Variants in TIPIN observed in about 807,000 individuals in gnomAD.
TIPIN encodes TIMELESS-interacting protein.
Under a neutral mutation model 35.6 loss-of-function variants are expected in TIPIN, and 29 were observed. The ratio of observed to expected loss-of-function variants is 0.82; its 90% CI spans 0.61 to 1.11. The LOEUF is 1.11. Ranked by LOEUF, TIPIN falls within the 50% of genes most tolerant of loss-of-function variation. The pLI, the probability that TIPIN is intolerant of heterozygous loss-of-function variation, is 0.00. For missense variants in TIPIN, 296 were observed against 345.4 expected, an observed-to-expected ratio of 0.86 and a Z score of 1.13; for synonymous variants, 102 against 121.5, an observed-to-expected ratio of 0.84 and a Z score of 1.06.
intron 1 of TIPIN, among the ~76,000 whole-genome samples, chr15:66,367,309 T>C (rs2093260144): frequency 6.6e-6 from 1 of 151,908 alleles, no homozygotes; most frequent in Non-Finnish European, 1.5e-5. Flanking sequence ...GAAAATAAAT[T>C]AGTACATCTA....
At chr15:66,347,503 A>G (rs1164400306) in intron 6 of TIPIN, among the ~76,000 whole-genome samples, 2 of 152,200 alleles carry the variant, frequency 1.3e-5, no homozygotes, top group African/African-American at 2.4e-5. Context: ...AACAAGTGCT[A>G]TATAGGATCA....
intron 4 of TIPIN, among the ~76,000 whole-genome samples, chr15:66,349,805 G>T (rs1418106550): frequency 2.6e-5 from 4 of 151,990 alleles, no homozygotes; most frequent in African/African-American, 9.7e-5. Flanking sequence ...CCCTGAGCCT[G>T]GGGGGCAGAG....
chr15:66,337,179 T>TA lies in TIPIN; in HGVS notation c.684dup (p.Met229TyrfsTer12). ...TGTGCCCTGGGTGTATTCATTAACA[T>TA]ATCTGAAAGAAATCATACCATTATT... On this transcript the variant is annotated frameshift_variant and splice_region_variant, in exon 8 of 8. Coordinates refer to ENST00000261881, the MANE Select transcript of TIPIN (RefSeq NM_017858.3). LOFTEE classifies it high-confidence loss of function. 1 of 1,612,038 alleles carries TA rather than the reference T, an allele frequency of 6.2e-7. No homozygotes were observed. The highest frequency in any genetic ancestry group is 2.2e-5 in the East Asian group (1 of 44,856).
At chr15:66,357,647 A>C (rs1337925334), upstream of TIPIN, among the ~76,000 whole-genome samples, 5 of 148,306 alleles carry the variant, frequency 3.4e-5, no homozygotes, top group Admixed American at 3.4e-4. Flanking sequence ...AATGTAAACA[A>C]AAAAAAATGT....
At chr15:66,378,305 T>G (rs2093305200) in intron 1 of TIPIN, among the ~76,000 whole-genome samples, 1 of 150,636 alleles carries the variant, frequency 6.6e-6, no homozygotes, top group South Asian at 2.1e-4. Context: ...CCGGCCAAAT[T>G]TTTGTATTTT....
At chr15:66,371,853 G>T (rs1220896784) in intron 1 of TIPIN, among the ~76,000 whole-genome samples, 1 of 151,882 alleles carries the variant, frequency 6.6e-6, no homozygotes, top group Non-Finnish European at 1.5e-5. Context: ...GGGGTGCCAT[G>T]GCATGCTCAT....
At chr15:66,356,919 CT>C (rs546713670), upstream of TIPIN, among the ~76,000 whole-genome samples, 67 of 146,750 alleles carry the variant, frequency 4.6e-4, no homozygotes, top group Middle Eastern at 3.5e-3. Context: ...TGGGGTTTTT[CT>C]TTTTTTTTTT....
Position 66,370,715 on chromosome 15 carries a change from A to C in TIPIN, c.-9+15892T>G, listed in dbSNP as rs560626542. 1.6e-3 allele frequency among the ~76,000 whole-genome samples: 239 copies of C among 152,322 alleles called. 1 individual carries two copies. Among genetic ancestry groups the C allele is most frequent in the African/African-American group, 5.5e-3 (228 of 41,576 alleles). ...AAAAAAAGTAAGGTGGAATTTCTTC[A>C]TGTGAAATAACTTCCGTGTGCAATG... On this transcript the variant is annotated intron_variant, in intron 1 of 7. Coordinates refer to the TIPIN transcript ENST00000562124.
intron 1 of TIPIN, among the ~76,000 whole-genome samples, chr15:66,381,337 C>A (rs1403086518): frequency 1.3e-5 from 2 of 151,988 alleles, no homozygotes; most frequent in African/African-American, 4.8e-5. Flanking sequence ...ACTCAGGAGG[C>A]TGAGGCAGGC....
chr15:66,350,695 C>T (rs541233257), intron 4 of TIPIN, among the ~76,000 whole-genome samples: 42 of 151,196 alleles, frequency 2.8e-4, no homozygotes, highest in Non-Finnish European at 5.2e-4. Context: ...TTTGGGAGGC[C>T]AAGGCGGGCG....
At chr15:66,367,259 T>C (rs930805572) in intron 1 of TIPIN, among the ~76,000 whole-genome samples, 1 of 151,304 alleles carries the variant, frequency 6.6e-6, no homozygotes, top group Non-Finnish European at 1.5e-5. Flanking sequence ...TATATATCTA[T>C]ATCTATATCT....
At chr15:66,367,023 A>C (rs569598990) in intron 1 of TIPIN, 1 of 303,732 alleles carries the variant, frequency 3.3e-6, no homozygotes, top group South Asian at 1.3e-4. Flanking sequence ...TCTACTAAAA[A>C]TACAAAATTA....
At chr15:66,380,301 G>A (rs542772903) in intron 1 of TIPIN, among the ~76,000 whole-genome samples, 29 of 151,336 alleles carry the variant, frequency 1.9e-4, no homozygotes, top group African/African-American at 6.5e-4. Flanking sequence ...CACTGCGCCC[G>A]GCCCCTACAC....
chr15:66,383,328 T>A (rs1335523774), intron 1 of TIPIN, among the ~76,000 whole-genome samples: 4 of 151,902 alleles, frequency 2.6e-5, no homozygotes, highest in African/African-American at 9.7e-5. Flanking sequence ...AGTGGAGTGA[T>A]CTTGGCTCAC....
At chr15:66,356,486 C>G (rs2093204832) in intron 1 of TIPIN, among the ~76,000 whole-genome samples, 153 bp downstream of exon 1, 1 of 152,156 alleles carries the variant, frequency 6.6e-6, no homozygotes, top group Non-Finnish European at 1.5e-5. Context: ...CAGGCCGGGT[C>G]AGGTCGACCC....
intron 1 of TIPIN, chr15:66,379,782 A>C (rs1432649993): frequency 1.2e-6 from 2 of 1,602,548 alleles, no homozygotes; most frequent in African/African-American, 2.7e-5. Flanking sequence ...AAGAAGACTG[A>C]GTTCTACATT....
At chr15:66,360,241 A>G (rs1208498505), upstream of TIPIN, among the ~76,000 whole-genome samples, 1 of 152,148 alleles carries the variant, frequency 6.6e-6, no homozygotes, top group African/African-American at 2.4e-5. Flanking sequence ...ATAAAAATAA[A>G]AGTAAAAGAC....
At chr15:66,351,424 A>G in intron 4 of TIPIN, 101 bp downstream of exon 4, 1 of 833,302 alleles carries the variant, frequency 1.2e-6, no homozygotes, top group Middle Eastern at 2.2e-4. Context: ...ACGACTAAGG[A>G]TAGTATCTTA....
chr15:66,342,257 G>A (rs1484082779), intron 6 of TIPIN, among the ~76,000 whole-genome samples: 1 of 151,606 alleles, frequency 6.6e-6, no homozygotes, highest in African/African-American at 2.4e-5. Flanking sequence ...TTTATGCTTG[G>A]CCTAATCAAA....
Sources: allele counts gnomAD v4.1 joint callset (sites outside exome capture counted in the v4.1 genomes callset), GRCh38; gene constraint gnomAD v4.1.1; transcripts MANE v1.5; gene names NCBI Gene and HGNC (gene_info 2026-07-23, HGNC 2026-07-21).